The following PTGFRN variants were observed in gnomAD, a reference collection of about 807,000 sequenced individuals.
PTGFRN encodes the protein prostaglandin F2 receptor inhibitor.
Under a neutral mutation model 83.2 loss-of-function variants are expected in PTGFRN, and 35 were observed. The observed-to-expected ratio is 0.42, with a 90% confidence interval of 0.32 to 0.56. The LOEUF (loss-of-function observed/expected upper bound fraction) is 0.56. Ranked by LOEUF, PTGFRN falls within the 20% of genes least tolerant of loss-of-function variation. The pLI, the probability that PTGFRN is intolerant of heterozygous loss-of-function variation, is 0.11. For missense variants in PTGFRN, 1,051 were observed against 1,179.5 expected, an observed-to-expected ratio of 0.89 and a Z score of 1.60; for synonymous variants, 519 against 498.6, an observed-to-expected ratio of 1.04 and a Z score of -0.55.
At chr1:116,939,685 C>T (rs1650015458) in intron 1 of PTGFRN, among the ~76,000 whole-genome samples, 1 of 152,228 alleles carries the variant, frequency 6.6e-6, no homozygotes, top group African/African-American at 2.4e-5. Flanking sequence ...GCTTGAATTT[C>T]TTCTCAGAAA....
chr1:116,931,318 A>G (rs1302157313), intron 1 of PTGFRN, among the ~76,000 whole-genome samples: 1 of 152,062 alleles, frequency 6.6e-6, no homozygotes, highest in African/African-American at 2.4e-5. Context: ...ACTGTTCCAC[A>G]CCTCCTGACT....
intron 3 of PTGFRN, among the ~76,000 whole-genome samples, chr1:116,946,269 C>T (rs975579660): frequency 2.6e-5 from 4 of 152,176 alleles, no homozygotes; most frequent in African/African-American, 9.7e-5. Context: ...ACTTACACCA[C>T]AGCACAGAGC....
chr1:116,967,353 T>C (rs767627242), intron 6 of PTGFRN, 23 bp downstream of exon 6: 1 of 1,594,882 alleles, frequency 6.3e-7, no homozygotes, highest in Admixed American at 1.7e-5. Flanking sequence ...CCCTGTTGAA[T>C]CATAGGTGGA....
At position 116,988,672 on chromosome 1, in the gene PTGFRN, C is replaced by T. The variant is rs1237847264; in HGVS notation, c.*1705C>T. On this transcript the variant is annotated 3_prime_UTR_variant, in exon 9 of 9. Transcript: ENST00000393203. ...TGTGCTCCTCCTGGCTCACCATTTC[C>T]CCCTGCTCCCCCACAGCCGGTTCTG... is the stretch of plus-strand genomic sequence containing the variant. The T allele has an allele frequency of 6.5e-6, 1 of 152,930 alleles. No individual in the cohort carries two copies. The highest frequency in any genetic ancestry group is 2.4e-5 in the African/African-American group (1 of 41,456). The allele number at this position is 152,930 out of a possible 1,614,324, so 9.5% of individuals were successfully genotyped here.
At chr1:116,978,269 T>G (rs1303931892) in intron 7 of PTGFRN, among the ~76,000 whole-genome samples, 5 of 152,146 alleles carry the variant, frequency 3.3e-5, no homozygotes, top group Non-Finnish European at 7.4e-5. Context: ...AGCAGACGGA[T>G]TCACAGCCGA....
At chr1:116,974,065 A>C (rs1651074266) in intron 6 of PTGFRN, 151 bp from the exon 7 acceptor site, 1 of 594,136 alleles carries the variant, frequency 1.7e-6, no homozygotes, top group Admixed American at 3.2e-5. Flanking sequence ...CTCTGAATAG[A>C]AGAGAGGCAA....
intron 3 of PTGFRN, among the ~76,000 whole-genome samples, chr1:116,945,945 C>A (rs1355406029): frequency 6.6e-6 from 1 of 152,048 alleles, no homozygotes; most frequent in Non-Finnish European, 1.5e-5. Context: ...GGCTTGTTCC[C>A]AGGCCCTGTG....
At chr1:116,946,094 T>A (rs1650194574) in intron 3 of PTGFRN, among the ~76,000 whole-genome samples, 1 of 152,200 alleles carries the variant, frequency 6.6e-6, no homozygotes, top group African/African-American at 2.4e-5. Context: ...TGCTGCTGCC[T>A]TCTGTTTTTT....
In PTGFRN at chr1:116,961,769, C is replaced by G. The variant is rs1290496899; in HGVS notation, c.1639+101C>G. On this transcript the variant is annotated intron_variant, in intron 5 of 8. Coordinates refer to ENST00000393203, the MANE Select transcript of PTGFRN (RefSeq NM_020440.4). The surrounding 1 kb of genome is among the most constrained non-coding windows in gnomAD (Gnocchi z 5.4). Reference sequence around the variant, plus strand: ...CACCCTCTGCAGGTTATCACTTACACTAGGAATGTGTGTCCTGGACATTGA... The same window carrying G: ...CACCCTCTGCAGGTTATCACTTACAGTAGGAATGTGTGTCCTGGACATTGA... 1 of 1,150,196 alleles carries G rather than the reference C, an allele frequency of 8.7e-7. No individual in the cohort carries two copies. Among genetic ancestry groups the G allele is most frequent in the African/African-American group, 1.6e-5 (1 of 63,832 alleles). The allele number at this position is 1,150,196 out of a possible 1,614,324, so 71.2% of individuals were successfully genotyped here.
At chr1:116,924,608 A>G (rs1388470911) in intron 1 of PTGFRN, among the ~76,000 whole-genome samples, 14 of 152,272 alleles carry the variant, frequency 9.2e-5, no homozygotes, top group African/African-American at 2.9e-4. Flanking sequence ...TCACTTCCCA[A>G]GGTGCTGAGA....
chr1:116,962,395 A>T (rs1026397634), intron 5 of PTGFRN: 1 of 152,252 alleles, frequency 6.6e-6, no homozygotes, highest in Non-Finnish European at 1.5e-5. Context: ...TCCCATCCAG[A>T]TACTAACCAG....
chr1:116,962,912 A>G (rs1650706536), intron 5 of PTGFRN, among the ~76,000 whole-genome samples: 1 of 152,218 alleles, frequency 6.6e-6, no homozygotes, highest in South Asian at 2.1e-4. Flanking sequence ...GGTGTACATT[A>G]TGATAGCACC....
At chr1:116,977,013 A>G (rs561370096) in intron 7 of PTGFRN, among the ~76,000 whole-genome samples, 1 of 152,324 alleles carries the variant, frequency 6.6e-6, no homozygotes, top group African/African-American at 2.4e-5. Flanking sequence ...GGCTCAAAAT[A>G]AAGGGATGGA....
intron 7 of PTGFRN, among the ~76,000 whole-genome samples, chr1:116,983,769 G>T (rs939763186): frequency 6.6e-6 from 1 of 152,074 alleles, no homozygotes; most frequent in Non-Finnish European, 1.5e-5. Flanking sequence ...TGTGTTATTT[G>T]ACATTTATAT....
rs557727964 is a variant in PTGFRN, at chr1:116,941,016, G to A, written c.50-699G>A. The stretch of plus-strand genomic sequence containing the variant: ...GCCTGTGTCCACTGGGCTTATACCC[G>A]GCAACCAGCTGCTGCATTCCTAAGA... On this transcript the variant is annotated intron_variant, in intron 1 of 8. Coordinates refer to ENST00000393203, the MANE Select transcript of PTGFRN (RefSeq NM_020440.4). The surrounding 1 kb of genome is among the most constrained non-coding windows in gnomAD (Gnocchi z 5.0). Among the ~76,000 whole-genome samples the A allele has an allele frequency of 3.3e-5, 5 of 152,236 alleles. No individual in the cohort carries two copies. Among genetic ancestry groups the A allele is most frequent in the South Asian group, 2.1e-4 (1 of 4,826 alleles).
intron 8 of PTGFRN, among the ~76,000 whole-genome samples, chr1:116,986,179 C>CCAT (rs1443435193): frequency 4.7e-5 from 5 of 106,198 alleles, no homozygotes; most frequent in Non-Finnish European, 1.0e-4. Flanking sequence ...AGCGTCCACC[C>CCAT]AAGGAGCATG....
At chr1:116,981,881 C>T (rs1389047950) in intron 7 of PTGFRN, among the ~76,000 whole-genome samples, 1 of 152,144 alleles carries the variant, frequency 6.6e-6, no homozygotes, top group African/African-American at 2.4e-5. Context: ...AAAATTGGCT[C>T]CAGTAGGGAA....
chr1:116,928,540 G>A (rs1422861671), intron 1 of PTGFRN, among the ~76,000 whole-genome samples: 1 of 152,110 alleles, frequency 6.6e-6, no homozygotes, highest in Admixed American at 6.5e-5. Context: ...CACACCAATC[G>A]TAGTTTGTAA....
Position 116,912,820 on chromosome 1 carries a change from C to T in PTGFRN, c.49+2568C>T, listed in dbSNP as rs370883725. Among the ~76,000 whole-genome samples the T allele has an allele frequency of 1.1e-3, 168 of 152,316 alleles. 1 individual carries two copies. Among genetic ancestry groups the T allele is most frequent in the African/African-American group, 3.6e-3 (151 of 41,564 alleles). The stretch of plus-strand genomic sequence containing the variant: ...ACCTGTTTGCTCTCCTTTATGTAGA[C>T]TATATTAAACCTTCTGGCCCCTTCT... On this transcript the variant is annotated intron_variant, in intron 1 of 8. Transcript: ENST00000393203.
Sources: allele counts gnomAD v4.1 joint callset (sites outside exome capture counted in the v4.1 genomes callset), GRCh38; gene constraint gnomAD v4.1.1; non-coding constraint Gnocchi (gnomAD v3.1); transcripts MANE v1.5; gene names NCBI Gene and HGNC (gene_info 2026-07-23, HGNC 2026-07-21).